SEM1: variants seen among roughly 807,000 people sequenced by gnomAD.
SEM1 encodes the protein SEM1 26S proteasome subunit.
In SEM1, 3 loss-of-function variants were observed where a neutral mutation model predicts 12.7. The observed-to-expected ratio is 0.24, with a 90% CI of 0.11 to 0.61. SEM1 has a LOEUF of 0.61. Among genes scored for constraint, SEM1 ranks in the 20% least tolerant of loss-of-function variants. The probability of loss-of-function intolerance (pLI) is 0.88; values close to 1 mark genes in which losing one functional copy is unlikely to be tolerated. For synonymous variants in SEM1, 30 were observed against 27.8 expected, an observed-to-expected ratio of 1.08 and a Z score of -0.25; for missense variants, 59 against 81.3, an observed-to-expected ratio of 0.73 and a Z score of 1.06.
chr7:96,709,614 A>T, intron 1 of SEM1, 74 bp downstream of exon 1: 1 of 1,432,094 alleles, frequency 7.0e-7, no homozygotes, highest in South Asian at 1.2e-5. Context: ...GCTGGGCCCG[A>T]GCACCCAAGC....
intron 2 of SEM1, among the ~76,000 whole-genome samples, chr7:96,613,938 A>C (rs1186841755): frequency 6.6e-6 from 1 of 152,230 alleles, no homozygotes; most frequent in Non-Finnish European, 1.5e-5. Context: ...TTAAAAATCC[A>C]TTTGTCCATC....
chr7:96,534,227 A>C (rs773402345), intron 2 of SEM1, among the ~76,000 whole-genome samples: 3 of 152,060 alleles, frequency 2.0e-5, no homozygotes, highest in Non-Finnish European at 4.4e-5. Flanking sequence ...ATTTGTTGCC[A>C]ACAAAAAAAA....
At chr7:96,637,500 G>C (rs998393560) in intron 2 of SEM1, among the ~76,000 whole-genome samples, 7 of 151,994 alleles carry the variant, frequency 4.6e-5, no homozygotes, top group Non-Finnish European at 8.8e-5. Context: ...CTCATTGCTA[G>C]AAAGTCCTGC....
At chr7:96,562,830 G>A (rs1805730729) in intron 2 of SEM1, among the ~76,000 whole-genome samples, 2 of 152,130 alleles carry the variant, frequency 1.3e-5, no homozygotes, top group Non-Finnish European at 2.9e-5. Flanking sequence ...GCGTGGCTCT[G>A]TTGTTTTATT....
chr7:96,638,839 C>G (rs1297876836), intron 2 of SEM1, among the ~76,000 whole-genome samples: 1 of 151,884 alleles, frequency 6.6e-6, no homozygotes, highest in African/African-American at 2.4e-5. Flanking sequence ...AGCAATATCA[C>G]TAGTGGTAAG....
intron 2 of SEM1, among the ~76,000 whole-genome samples, chr7:96,571,277 T>C (rs939574956): frequency 9.9e-5 from 15 of 152,026 alleles, no homozygotes; most frequent in African/African-American, 3.6e-4. Context: ...AAGTCTTTGC[T>C]GATGCCTATG....
chr7:96,535,919 A>G (rs1804773123), intron 2 of SEM1, among the ~76,000 whole-genome samples: 1 of 151,950 alleles, frequency 6.6e-6, no homozygotes, highest in East Asian at 1.9e-4. Context: ...TGCAATGAAC[A>G]TACAAGCACA....
chr7:96,522,341 A>G (rs143000176), intron 2 of SEM1, among the ~76,000 whole-genome samples: 1 of 152,254 alleles, frequency 6.6e-6, no homozygotes, highest in East Asian at 1.9e-4. Flanking sequence ...GTCCTTATGT[A>G]GATGAATGTT....
At chr7:96,541,838 G>A (rs765605201) in intron 2 of SEM1, among the ~76,000 whole-genome samples, 3 of 151,406 alleles carry the variant, frequency 2.0e-5, no homozygotes. Context: ...TGAGTAGTGA[G>A]TCCTTTCCCC....
Position 96,494,725 on chromosome 7 carries a change from G to GGA in SEM1, c.12+1557_12+1558dup, listed in dbSNP as rs376216637. ...GAGAGATAATGAGAGAGAAGGGGGT[G>GGA]GAGAGAGAGCAAAAGGGAAAGAGAG... On this transcript the variant is annotated intron_variant, in intron 1 of 3. Transcript: ENST00000356686. 8.8e-3 allele frequency among the ~76,000 whole-genome samples: 1,330 copies of GGA among 151,824 alleles called. 21 individuals are homozygous for GGA. The highest frequency in any genetic ancestry group is 0.031 in the African/African-American group (1,273 of 41,370).
chr7:96,511,190 G>A (rs951855762), intron 2 of SEM1, among the ~76,000 whole-genome samples: 9 of 152,098 alleles, frequency 5.9e-5, no homozygotes, highest in South Asian at 2.1e-4. Flanking sequence ...TTTTTAGAAC[G>A]TAACCAGTCC....
downstream of SEM1, among the ~76,000 whole-genome samples, chr7:96,617,846 A>G (rs956296985): frequency 2.0e-5 from 3 of 152,124 alleles, no homozygotes; most frequent in Non-Finnish European, 2.9e-5. Flanking sequence ...CCATTAATTG[A>G]TTTGCATATG....
chr7:96,620,604 C>T (rs1470766889), downstream of SEM1, among the ~76,000 whole-genome samples: 4 of 152,334 alleles, frequency 2.6e-5, no homozygotes, highest in East Asian at 7.7e-4. Flanking sequence ...GCGAGCCTCT[C>T]CTGGCTCTCA....
At chr7:96,533,573 C>T (rs1458874132) in intron 2 of SEM1, among the ~76,000 whole-genome samples, 1 of 151,974 alleles carries the variant, frequency 6.6e-6, no homozygotes, top group Non-Finnish European at 1.5e-5. Flanking sequence ...CCATCATAAG[C>T]TTGTGAAGGT....
chr7:96,686,557 T>G (rs1789764939), downstream of SEM1, among the ~76,000 whole-genome samples: 1 of 152,198 alleles, frequency 6.6e-6, no homozygotes, highest in Non-Finnish European at 1.5e-5. Flanking sequence ...AAATACTTCT[T>G]AGCATGTTAC....
At chr7:96,684,243 A>T (rs1044080981), downstream of SEM1, among the ~76,000 whole-genome samples, 4 of 152,040 alleles carry the variant, frequency 2.6e-5, no homozygotes, top group African/African-American at 9.7e-5. Context: ...CTATTTTATG[A>T]AGCAGGATTT....
rs549329983 is a variant in SEM1, at chr7:96,552,657, G to A, written c.171-45959C>T. Among the ~76,000 whole-genome samples the A allele has an allele frequency of 2.1e-4, 31 of 149,454 alleles. No homozygotes were observed. The South Asian group carries it at 6.7e-3, about 32-fold the overall frequency. ...ATAATGCCGCAATAAACATACGTGT[G>A]CATGTGTCTTTATAGCAGCATGATT... On this transcript the variant is annotated intron_variant and NMD_transcript_variant, in intron 2 of 3. Transcript: ENST00000466986.
At chr7:96,578,654 T>C (rs1563069199) in intron 2 of SEM1, among the ~76,000 whole-genome samples, 2 of 152,192 alleles carry the variant, frequency 1.3e-5, no homozygotes. Flanking sequence ...GGTAAAGATA[T>C]GGGAAAATCT....
At chr7:96,534,101 A>G (rs1804719059) in intron 2 of SEM1, among the ~76,000 whole-genome samples, 1 of 152,084 alleles carries the variant, frequency 6.6e-6, no homozygotes, top group Non-Finnish European at 1.5e-5. Context: ...ATGGAACACC[A>G]TTTTACTTGA....
Sources: gnomAD v4.1 joint callset for allele counts (sites outside exome capture counted in the v4.1 genomes callset) on GRCh38, gnomAD v4.1.1 for gene constraint, MANE v1.5 for transcripts, NCBI Gene and HGNC (gene_info 2026-07-23, HGNC 2026-07-21) for gene names.